The following ZNRF2 variants were observed in gnomAD, a reference collection of about 807,000 sequenced individuals.
The protein encoded by ZNRF2 is E3 ubiquitin-protein ligase ZNRF2.
In ZNRF2, 16 loss-of-function variants were observed where a neutral mutation model predicts 20.4. That is an observed-to-expected ratio of 0.79 (90% CI 0.53 to 1.19). The LOEUF is 1.19. Ranked by LOEUF, ZNRF2 falls within the 50% of genes most tolerant of loss-of-function variation. The probability of loss-of-function intolerance (pLI) is 0.00; values close to 1 mark genes in which losing one functional copy is unlikely to be tolerated. For synonymous variants in ZNRF2, 178 were observed against 144.9 expected (o/e 1.23, Z -1.64); for missense variants, 363 against 332.4 (o/e 1.09, Z -0.72).
chr7:30,301,843 A>G (rs1335616885), intron 1 of ZNRF2, among the ~76,000 whole-genome samples: 3 of 152,176 alleles, frequency 2.0e-5, no homozygotes, highest in African/African-American at 7.2e-5. Context: ...AGCCTGGAGC[A>G]GGGTCCTCTT....
intron 1 of ZNRF2, among the ~76,000 whole-genome samples, chr7:30,301,248 A>G (rs1198028496): frequency 6.6e-6 from 1 of 152,094 alleles, no homozygotes; most frequent in African/African-American, 2.4e-5. Context: ...TTTGGGAGGC[A>G]GAGGTGGGCG....
At chr7:30,315,364 A>G (rs1222595523) in intron 1 of ZNRF2, among the ~76,000 whole-genome samples, 1 of 152,142 alleles carries the variant, frequency 6.6e-6, no homozygotes, top group Non-Finnish European at 1.5e-5. Context: ...TAAATCGTTT[A>G]ATTGGTTATA....
intron 2 of ZNRF2, among the ~76,000 whole-genome samples, chr7:30,341,498 A>T (rs540210581): frequency 6.6e-6 from 1 of 152,250 alleles, no homozygotes; most frequent in African/African-American, 2.4e-5. Flanking sequence ...TTATTTACCC[A>T]GTAGTCATTG....
At chr7:30,346,169 GATTTTT>G (rs1799875045) in intron 2 of ZNRF2, among the ~76,000 whole-genome samples, 1 of 29,616 alleles carries the variant, frequency 3.4e-5, no homozygotes, top group Admixed American at 4.3e-4. Context: ...TGTTAAGTCT[GATTTTT>G]TTTTTTTTTT....
chr7:30,323,679 A>T lies in ZNRF2; in HGVS notation c.507A>T (p.Ser169=), dbSNP rs1351988519. The T allele has an allele frequency of 1.9e-6, 3 of 1,601,200 alleles. No individual in the cohort carries two copies. The African/African-American group carries it at 4.0e-5, about 22-fold the overall frequency. The change falls in exon 2 of 5, where the codon TCA becomes TCT. Residue 169 remains serine (S), a synonymous_variant. Coordinates refer to ENST00000323037, the MANE Select transcript of ZNRF2 (RefSeq NM_147128.4). ...CTGTATGCTCAAAATTTGTATCCTC[A>T]GATGAAATGGATTTGCATCTTGTAA... ...KCPVCSKFVS[S]DEMDLHLVMC... is the part of the protein sequence containing the mutation.
intron 2 of ZNRF2, among the ~76,000 whole-genome samples, chr7:30,347,085 A>G (rs1271548343): frequency 1.3e-5 from 2 of 151,878 alleles, no homozygotes; most frequent in African/African-American, 4.8e-5. Flanking sequence ...TTCTGTCCCT[A>G]TAGTAGGTGC....
At chr7:30,356,553 G>C (rs1443333257) in intron 3 of ZNRF2, among the ~76,000 whole-genome samples, 1 of 152,016 alleles carries the variant, frequency 6.6e-6, no homozygotes, top group Non-Finnish European at 1.5e-5. Context: ...ACATTTGAAA[G>C]TAAAAGGATA....
rs1274236699 is a variant in ZNRF2, at chr7:30,366,023, AT to A, written c.*23-7del. 1 of 152,236 alleles carries A rather than the reference AT, an allele frequency of 6.6e-6. No homozygotes were observed. Among genetic ancestry groups the A allele is most frequent in the Admixed American group, 6.6e-5 (1 of 15,262 alleles). 9.4% of individuals were successfully genotyped at this position (152,236 alleles called of 1,614,324 possible). ...TAAAGCAATGTTCATGGGGAAATCT[AT>A]TTTTACACAGGTTTTCTTGTCTTGA... On this transcript the variant is annotated splice_polypyrimidine_tract_variant and intron_variant, in intron 4 of 4. Coordinates refer to ENST00000323037, the MANE Select transcript of ZNRF2 (RefSeq NM_147128.4).
At chr7:30,348,285 C>G (rs1799909731) in intron 2 of ZNRF2, among the ~76,000 whole-genome samples, 4 of 151,536 alleles carry the variant, frequency 2.6e-5, no homozygotes, top group Non-Finnish European at 4.4e-5. Context: ...GGCATTTTCT[C>G]TGTTCATTGG....
chr7:30,344,262 T>A (rs558337292), intron 2 of ZNRF2, among the ~76,000 whole-genome samples: 1 of 151,552 alleles, frequency 6.6e-6, no homozygotes. Flanking sequence ...TAGAAATAAC[T>A]GTGTTGTTTC....
intron 4 of ZNRF2, among the ~76,000 whole-genome samples, chr7:30,363,559 A>G (rs1055113919): frequency 7.2e-5 from 11 of 152,190 alleles, no homozygotes; most frequent in African/African-American, 2.2e-4. Flanking sequence ...AAATTTATTC[A>G]TTCAATTTAA....
At chr7:30,317,824 T>C (rs928323635) in intron 1 of ZNRF2, among the ~76,000 whole-genome samples, 24 of 152,212 alleles carry the variant, frequency 1.6e-4, no homozygotes, top group African/African-American at 5.3e-4. Context: ...TAATATTCTT[T>C]AGTTCTGTTA....
At chr7:30,332,197 A>G (rs1457777586) in intron 2 of ZNRF2, among the ~76,000 whole-genome samples, 1 of 152,182 alleles carries the variant, frequency 6.6e-6, no homozygotes, top group Non-Finnish European at 1.5e-5. Context: ...GACTAGAAAT[A>G]GTACCTGTCT....
At chr7:30,309,905 A>G (rs1038359184) in intron 1 of ZNRF2, among the ~76,000 whole-genome samples, 5 of 152,320 alleles carry the variant, frequency 3.3e-5, no homozygotes, top group African/African-American at 1.2e-4. Context: ...AAAACAAGAT[A>G]CATGGCTTTG....
intron 2 of ZNRF2, among the ~76,000 whole-genome samples, chr7:30,354,626 A>C (rs774367426): frequency 1.3e-5 from 2 of 152,172 alleles, no homozygotes; most frequent in African/African-American, 2.4e-5. Flanking sequence ...ACTTTAGAAA[A>C]TGTCCCTGCC....
Position 30,285,486 on chromosome 7 carries a change from C to G in ZNRF2, c.129C>G (p.Ala43=). 14 of 1,082,476 alleles carry G rather than the reference C, an allele frequency of 1.3e-5. No homozygotes were observed. Among genetic ancestry groups the G allele is most frequent in the Non-Finnish European group, 1.6e-5 (14 of 894,142 alleles). The allele number at this position is 1,082,476 out of a possible 1,614,324, so 67.1% of individuals were successfully genotyped here. A position where few individuals can be genotyped will look rare whatever the true frequency, so the allele number is the denominator to read the frequency against. The change falls in exon 1 of 5, where the codon GCC becomes GCG. Residue 43 remains alanine (A), a synonymous_variant. Transcript: ENST00000323037. The part of the protein sequence containing the change: ...GTAGGGGGAR[A]AAAGRFPAQV... ...CGGGCGGCGGCGGGGGCGCTCGGGC[C>G]GCCGCCGCGGGGAGGTTCCCGGCTC...
intron 1 of ZNRF2, among the ~76,000 whole-genome samples, chr7:30,304,157 A>C (rs550361340): frequency 6.6e-6 from 1 of 152,222 alleles, no homozygotes; most frequent in African/African-American, 2.4e-5. Flanking sequence ...TGTTCACTTT[A>C]TCTCTCTGGG....
In ZNRF2 at chr7:30,285,755, G is replaced by C; in HGVS notation, c.398G>C (p.Gly133Ala). The change falls in exon 1 of 5, where the codon GGC (glycine) becomes GCC (alanine). Residue 133 changes from glycine to alanine, a missense_variant. Gly to Ala is a moderately conservative substitution (Grantham distance 60). Coordinates refer to ENST00000323037, the MANE Select transcript of ZNRF2 (RefSeq NM_147128.4). ...GGCGGCGGCCGGGACCGGCCGGTGG[G>C]CGGGAGCCCCGGCGGGCCGCGCCTG... Reference protein sequence around the residue: ...DGGGGRDRPVGGSPGGPRLVI... With the variant: ...DGGGGRDRPVAGSPGGPRLVI... 2.0e-6 allele frequency: 3 copies of C among 1,482,652 alleles called. No homozygotes were observed. The highest frequency in any genetic ancestry group is 2.7e-6 in the Non-Finnish European group (3 of 1,123,162). 91.8% of individuals were successfully genotyped at this position (1,482,652 alleles called of 1,614,324 possible).
intron 2 of ZNRF2, among the ~76,000 whole-genome samples, chr7:30,352,150 CAG>C (rs1157285257): frequency 1.3e-5 from 2 of 151,852 alleles, no homozygotes; most frequent in Non-Finnish European, 2.9e-5. Flanking sequence ...GTACTTTTAA[CAG>C]AAGAATAAAA....
Sources: gnomAD v4.1 joint callset for allele counts (sites outside exome capture counted in the v4.1 genomes callset) on GRCh38, gnomAD v4.1.1 for gene constraint, MANE v1.5 for transcripts, NCBI Gene and HGNC (gene_info 2026-07-23, HGNC 2026-07-21) for gene names.